Variants in ARHGAP8 observed in about 807,000 individuals in gnomAD.
ARHGAP8 encodes rho GTPase-activating protein 8.
A neutral mutation model predicts 46.1 loss-of-function variants in ARHGAP8; 62 were observed. The ratio of observed to expected loss-of-function variants is 1.34; its 90% CI spans 1.10 to 1.66. The LOEUF (loss-of-function observed/expected upper bound fraction) is 1.66. Among genes scored for constraint, ARHGAP8 ranks in the 40% most tolerant of loss-of-function variants. The pLI is 0.00. For synonymous variants in ARHGAP8, 375 were observed against 243.1 expected (o/e 1.54, Z -5.05); for missense variants, 923 against 568.4 (o/e 1.62, Z -6.34).
rs968231798 is a variant in ARHGAP8 at position 44,828,282 on chromosome 22, T to C, written c.596+2689T>C. The stretch of plus-strand genomic sequence containing the variant: ...TTCAGACATTGTGAGAATTTGCGGG[T>C]GCGAACAACTCTTGCACTCCCACCA... On this transcript the variant is annotated intron_variant, in intron 7 of 11. Coordinates refer to ENST00000356099, the MANE Select transcript of ARHGAP8 (RefSeq NM_181335.3). Among the ~76,000 whole-genome samples, 11 of 152,268 alleles carry C rather than the reference T, an allele frequency of 7.2e-5. No individual in the cohort carries two copies. The East Asian group carries it at 2.1e-3, about 29-fold the overall frequency.
chr22:44,779,088 G>C (rs1254377348), intron 1 of ARHGAP8, among the ~76,000 whole-genome samples: 1 of 138,624 alleles, frequency 7.2e-6, no homozygotes, highest in Non-Finnish European at 1.5e-5. Context: ...CTGACTTTTT[G>C]GTCTCTGACT....
In ARHGAP8 at chr22:44,860,007, A is replaced by G. The variant is rs151259072; in HGVS notation, c.981+173A>G. Among the ~76,000 whole-genome samples the G allele has an allele frequency of 1.4e-3, 161 of 113,454 alleles. 1 individual carries two copies. In the East Asian group the frequency reaches 0.017, roughly 12 times the overall value. 74.4% of individuals were successfully genotyped at this position (113,454 alleles called of 152,430 possible). A position where few individuals can be genotyped will look rare whatever the true frequency, so the allele number is the denominator to read the frequency against. ...TCATCCAAGGCCTGGTCAGGCACCC[A>G]TGCTGCTGCGGACCTCCTGCCTGTC... On this transcript the variant is annotated intron_variant, in intron 11 of 11. Coordinates refer to ENST00000356099, the MANE Select transcript of ARHGAP8 (RefSeq NM_181335.3).
chr22:44,828,800 C>T (rs1330016947), intron 7 of ARHGAP8, among the ~76,000 whole-genome samples: 1 of 152,002 alleles, frequency 6.6e-6, no homozygotes, highest in Non-Finnish European at 1.5e-5. Context: ...GTTCCTGAAG[C>T]CCTGTGTCTC....
intron 5 of ARHGAP8, among the ~76,000 whole-genome samples, chr22:44,821,220 A>G (rs1930112303): frequency 6.6e-6 from 1 of 152,134 alleles, no homozygotes; most frequent in Non-Finnish European, 1.5e-5. Flanking sequence ...TCACGAGGTC[A>G]GGAGATCGAG....
rs545428221 is a variant in ARHGAP8 at position 44,774,724 on chromosome 22, G to C, written c.-71-11733G>C. 3.1e-3 allele frequency among the ~76,000 whole-genome samples: 468 copies of C among 151,866 alleles called. 1 individual carries two copies. Among genetic ancestry groups the C allele is most frequent in the Middle Eastern group, 0.027 (8 of 292 alleles). The stretch of plus-strand genomic sequence containing the variant: ...TTTTAGTAGAGACGGATTTTACCGT[G>C]TTGGCCAGGCTGGTCTCAAACTCCT... On this transcript the variant is annotated intron_variant, in intron 1 of 11. Transcript: ENST00000356099.
chr22:44,834,838 G>C (rs1376618631), intron 7 of ARHGAP8, among the ~76,000 whole-genome samples: 1 of 14,210 alleles, frequency 7.0e-5, no homozygotes, highest in Non-Finnish European at 1.6e-4. Context: ...ATCCTTGCAT[G>C]ATGATAAAAA....
chr22:44,854,154 G>A (rs949573861), intron 10 of ARHGAP8, among the ~76,000 whole-genome samples: 8 of 150,926 alleles, frequency 5.3e-5, no homozygotes, highest in African/African-American at 1.7e-4. Context: ...GGGCCTGCCA[G>A]GAAGCGGCCT....
At chr22:44,802,572 A>T (rs1928633849) in intron 3 of ARHGAP8, among the ~76,000 whole-genome samples, 1 of 152,080 alleles carries the variant, frequency 6.6e-6, no homozygotes, top group East Asian at 1.9e-4. Context: ...GAGCTGTGTG[A>T]GTTTCCTGTA....
chr22:44,846,964 A>G lies in ARHGAP8; in HGVS notation c.671-1009A>G, dbSNP rs552118661. On this transcript the variant is annotated intron_variant, in intron 8 of 11. Transcript: ENST00000356099. ...GGGGAGAAGCTGGCCATGCCGTGTG[A>G]CAGAAAGGCCCCAGAGAGGAGAGCA... is the stretch of plus-strand genomic sequence containing the variant. Among the ~76,000 whole-genome samples, 3 of 152,304 alleles carry G rather than the reference A, an allele frequency of 2.0e-5. No homozygotes were observed. The East Asian group carries it at 5.8e-4, about 29-fold the overall frequency.
intron 1 of ARHGAP8, among the ~76,000 whole-genome samples, chr22:44,779,442 G>T (rs1037657749): frequency 1.3e-5 from 2 of 152,026 alleles, no homozygotes; most frequent in African/African-American, 2.4e-5. Flanking sequence ...GACCACTCAC[G>T]TCGGTACGCG....
At chr22:44,822,612 A>G (rs1315909073) in intron 6 of ARHGAP8, 143 bp downstream of exon 6, 14 of 682,622 alleles carry the variant, frequency 2.1e-5, no homozygotes, top group Non-Finnish European at 3.1e-5. Flanking sequence ...GGCATCGACA[A>G]AGATCCGCAG....
intron 1 of ARHGAP8, among the ~76,000 whole-genome samples, chr22:44,771,316 G>A (rs1206787910): frequency 5.2e-5 from 7 of 133,706 alleles, no homozygotes; most frequent in East Asian, 2.3e-4. Context: ...CCATGATCTC[G>A]GCTCACTGCA....
At chr22:44,763,381 C>T (rs1925291190) in intron 1 of ARHGAP8, among the ~76,000 whole-genome samples, 1 of 149,960 alleles carries the variant, frequency 6.7e-6, no homozygotes, top group Non-Finnish European at 1.5e-5. Flanking sequence ...CCTGTAATCA[C>T]AGCTACTCGG....
intron 4 of ARHGAP8, among the ~76,000 whole-genome samples, chr22:44,810,520 G>A (rs1446823958): frequency 3.3e-5 from 5 of 152,204 alleles, no homozygotes; most frequent in African/African-American, 7.2e-5. Flanking sequence ...GATTACAGGC[G>A]TGAGCCACTG....
chr22:44,761,235 T>C (rs776856403), intron 1 of ARHGAP8, among the ~76,000 whole-genome samples: 7 of 152,206 alleles, frequency 4.6e-5, no homozygotes, highest in Non-Finnish European at 7.3e-5. Flanking sequence ...ATTGGTGGCC[T>C]CTGTATTCGT....
At chr22:44,775,351 G>A (rs1464000998) in intron 1 of ARHGAP8, among the ~76,000 whole-genome samples, 2 of 152,136 alleles carry the variant, frequency 1.3e-5, no homozygotes, top group Non-Finnish European at 2.9e-5. Flanking sequence ...CTCCCCTCAC[G>A]GCCTCCTGGG....
chr22:44,755,936 G>A (rs557219499), intron 1 of ARHGAP8, among the ~76,000 whole-genome samples: 1 of 152,106 alleles, frequency 6.6e-6, no homozygotes, highest in Non-Finnish European at 1.5e-5. Context: ...TGTCATTACC[G>A]ACTCATAGGA....
chr22:44,807,006 C>T (rs983035874), intron 3 of ARHGAP8, among the ~76,000 whole-genome samples: 3 of 152,008 alleles, frequency 2.0e-5, no homozygotes, highest in Non-Finnish European at 2.9e-5. Flanking sequence ...AGCTGGCATC[C>T]TTGGTCTCCA....
chr22:44,754,845 C>G (rs768408686), intron 1 of ARHGAP8, among the ~76,000 whole-genome samples: 10 of 151,982 alleles, frequency 6.6e-5, no homozygotes, highest in Non-Finnish European at 1.5e-4. Context: ...TATGTTTCAC[C>G]ACATTAAAAA....
Sources: allele counts gnomAD v4.1 joint callset (sites outside exome capture counted in the v4.1 genomes callset), GRCh38; gene constraint gnomAD v4.1.1; transcripts MANE v1.5; gene names NCBI Gene and HGNC (gene_info 2026-07-23, HGNC 2026-07-21).